Variants in CLNK observed in about 807,000 individuals in gnomAD.
CLNK encodes the protein cytokine-dependent hematopoietic cell linker.
In CLNK, 74 loss-of-function variants were observed where a neutral mutation model predicts 68.6. The ratio of observed to expected loss-of-function variants is 1.08; its 90% confidence interval spans 0.89 to 1.31. The LOEUF is 1.31. CLNK is among the 50% of genes most tolerant of loss of function. The pLI is 0.00. For synonymous variants in CLNK, 198 were observed against 172.2 expected (o/e 1.15, Z -1.17); for missense variants, 553 against 515.3 (o/e 1.07, Z -0.71).
Position 10,625,238 on chromosome 4 carries a change from G to A in CLNK, c.12-27189C>T, listed in dbSNP as rs117912629. ...CAAGATTTGAGCCTTGCTGTGACAG[G>A]GAAACATTAGCCGATATAATTGAAA... On this transcript the variant is annotated intron_variant, in intron 2 of 18. Coordinates refer to ENST00000226951, the MANE Select transcript of CLNK (RefSeq NM_052964.4). 1.4e-4 allele frequency among the ~76,000 whole-genome samples: 21 copies of A among 152,310 alleles called. No homozygotes were observed. The East Asian group carries it at 4.0e-3, about 29-fold the overall frequency.
chr4:10,629,117 C>T (rs186801086), intron 2 of CLNK, among the ~76,000 whole-genome samples: 26 of 152,274 alleles, frequency 1.7e-4, no homozygotes, highest in African/African-American at 5.3e-4. Flanking sequence ...CTTTCTGTAA[C>T]CTCAAGATGG....
At chr4:10,661,518 C>CCCAAA (rs1470327037) in intron 2 of CLNK, among the ~76,000 whole-genome samples, 1 of 152,114 alleles carries the variant, frequency 6.6e-6, no homozygotes, top group African/African-American at 2.4e-5. Flanking sequence ...GAAACTTGTT[C>CCCAAA]TTATGTGGCA....
the CLNK span, among the ~76,000 whole-genome samples, chr4:10,707,572 T>C: frequency 6.6e-6 from 1 of 152,214 alleles, no homozygotes; most frequent in East Asian, 1.9e-4. Flanking sequence ...GTGCCTATTA[T>C]TCCTGTAACC....
At chr4:10,651,960 G>T (rs1441416070) in intron 2 of CLNK, among the ~76,000 whole-genome samples, 1 of 150,040 alleles carries the variant, frequency 6.7e-6, no homozygotes, top group East Asian at 2.0e-4. Context: ...ATACATATAT[G>T]CACACAAACA....
At chr4:10,513,743 C>A in intron 15 of CLNK, 146 bp from the exon 16 acceptor site, 1 of 650,120 alleles carries the variant, frequency 1.5e-6, no homozygotes, top group South Asian at 3.7e-5. Context: ...ACTCAGTGAC[C>A]TTAATTCTCT....
intron 4 of CLNK, among the ~76,000 whole-genome samples, chr4:10,577,939 G>T (rs1720631494): frequency 6.6e-6 from 1 of 152,156 alleles, no homozygotes; most frequent in African/African-American, 2.4e-5. Flanking sequence ...TATTTCATGG[G>T]AGCTGAGTCG....
chr4:10,584,848 C>CA, intron 4 of CLNK, 79 bp downstream of exon 4: 2 of 1,452,734 alleles, frequency 1.4e-6, no homozygotes, highest in Non-Finnish European at 9.5e-7. Context: ...GAAATAAAAA[C>CA]AAAAAAGAAT....
intron 1 of CLNK, among the ~76,000 whole-genome samples, chr4:10,671,342 C>G (rs1003817110): frequency 2.0e-5 from 3 of 151,744 alleles, no homozygotes; most frequent in African/African-American, 7.3e-5. Context: ...GCCAAGATTG[C>G]ACCACTGCAC....
chr4:10,642,814 C>T (rs1723362348), intron 2 of CLNK, among the ~76,000 whole-genome samples: 1 of 152,224 alleles, frequency 6.6e-6, no homozygotes, highest in East Asian at 1.9e-4. Context: ...TTATGTTTGC[C>T]CTAGAATTCC....
intron 1 of CLNK, among the ~76,000 whole-genome samples, chr4:10,676,889 G>A (rs575989489): frequency 6.6e-6 from 1 of 151,610 alleles, no homozygotes; most frequent in Non-Finnish European, 1.5e-5. Flanking sequence ...TTCACGTAAA[G>A]TGAGATTGTA....
chr4:10,599,934 C>A (rs781635614), intron 2 of CLNK, among the ~76,000 whole-genome samples: 7 of 152,242 alleles, frequency 4.6e-5, no homozygotes, highest in Non-Finnish European at 7.3e-5. Context: ...TCAAGAAGAA[C>A]CTTTGTAATT....
At chr4:10,624,174 T>C (rs1471871308) in intron 2 of CLNK, among the ~76,000 whole-genome samples, 5 of 152,194 alleles carry the variant, frequency 3.3e-5, no homozygotes, top group Non-Finnish European at 5.9e-5. Flanking sequence ...GATGCTGGAA[T>C]AGGTAAGCAC....
At chr4:10,728,399 T>TGC in the CLNK span, among the ~76,000 whole-genome samples, 33 of 151,448 alleles carry the variant, frequency 2.2e-4, no homozygotes, top group Non-Finnish European at 4.3e-4. Flanking sequence ...TGTGTGTGTG[T>TGC]GTGTGTGTGT....
At chr4:10,563,912 A>G (rs1488141410) in intron 7 of CLNK, among the ~76,000 whole-genome samples, 1 of 140,452 alleles carries the variant, frequency 7.1e-6, no homozygotes, top group African/African-American at 2.7e-5. Context: ...ATCTCAAAAA[A>G]AGAAAAGAAA....
intron 8 of CLNK, among the ~76,000 whole-genome samples, chr4:10,554,130 C>T (rs1219975829): frequency 6.6e-6 from 1 of 152,192 alleles, no homozygotes; most frequent in East Asian, 1.9e-4. Flanking sequence ...CAGTTTACCC[C>T]AGATGTCTCT....
chr4:10,600,247 A>G (rs963269203), intron 2 of CLNK, among the ~76,000 whole-genome samples: 1 of 151,906 alleles, frequency 6.6e-6, no homozygotes, highest in Non-Finnish European at 1.5e-5. Flanking sequence ...AATTTCAAAT[A>G]TTACTTCCCC....
intron 2 of CLNK, among the ~76,000 whole-genome samples, chr4:10,613,924 T>C (rs1722130402): frequency 6.6e-6 from 1 of 152,234 alleles, no homozygotes; most frequent in South Asian, 2.1e-4. Context: ...ACCTGGAGAA[T>C]GTGCTTAAGA....
chr4:10,667,845 C>CCCTTTTCCATGGGCAG lies in CLNK; in HGVS notation c.11+13_11+14insCTGCCCATGGAAAAGG, dbSNP rs745434049. On this transcript the variant is annotated intron_variant, in intron 2 of 18. Coordinates refer to ENST00000226951, the MANE Select transcript of CLNK (RefSeq NM_052964.4). ...AAAGGGAACTGGGGCTCACAGTGAT[C>CCCTTTTCCATGGGCAG]CCACGGTACTTACTGCCTGTTCATA... 6.4e-7 allele frequency: 1 copy of CCCTTTTCCATGGGCAG among 1,570,824 alleles called. No homozygotes were observed. The highest frequency in any genetic ancestry group is 8.7e-7 in the Non-Finnish European group (1 of 1,153,090).
chr4:10,598,120 T>G (rs1489597066), intron 2 of CLNK, 71 bp from the exon 3 acceptor site: 1 of 1,035,440 alleles, frequency 9.7e-7, no homozygotes, highest in Non-Finnish European at 1.4e-6. Context: ...TTAAGTGCAT[T>G]CATTCATAGA....
Sources: gnomAD v4.1 joint callset for allele counts (sites outside exome capture counted in the v4.1 genomes callset) on GRCh38, gnomAD v4.1.1 for gene constraint, MANE v1.5 for transcripts, NCBI Gene and HGNC (gene_info 2026-07-23, HGNC 2026-07-21) for gene names.